LINGO2: variants seen among roughly 807,000 people sequenced by gnomAD.
The protein encoded by LINGO2 is leucine rich repeat and Ig domain containing 2.
LINGO2 carries 14 observed loss-of-function variants against 30.6 expected under a neutral mutation model. The ratio of observed to expected loss-of-function variants is 0.46; its 90% confidence interval spans 0.30 to 0.72. LINGO2 has a LOEUF of 0.72. Among genes scored for constraint, LINGO2 ranks in the 30% least tolerant of loss-of-function variants. The probability of loss-of-function intolerance (pLI) is 0.07; values close to 1 mark genes in which losing one functional copy is unlikely to be tolerated. For synonymous variants in LINGO2, 317 were observed against 288.5 expected (o/e 1.10, Z -1.00); for missense variants, 729 against 751.7 (o/e 0.97, Z 0.35).
At chr9:28,876,037 A>G in the LINGO2 span, among the ~76,000 whole-genome samples, 1 of 151,880 alleles carries the variant, frequency 6.6e-6, no homozygotes, top group African/African-American at 2.4e-5. Context: ...AGAATATTAA[A>G]CCCTTTCACT....
At chr9:29,192,803 G>C in the LINGO2 span, among the ~76,000 whole-genome samples, 1 of 152,106 alleles carries the variant, frequency 6.6e-6, no homozygotes, top group African/African-American at 2.4e-5. Context: ...CAGCAGTCAG[G>C]GCATAGTCCC....
intron 2 of LINGO2, among the ~76,000 whole-genome samples, chr9:28,471,060 C>A (rs1391686135): frequency 6.6e-6 from 1 of 151,702 alleles, no homozygotes; most frequent in Non-Finnish European, 1.5e-5. Context: ...TACTATGCTT[C>A]TTAATGCCTC....
At chr9:29,078,667 C>T in the LINGO2 span, among the ~76,000 whole-genome samples, 4 of 151,888 alleles carry the variant, frequency 2.6e-5, no homozygotes, top group Non-Finnish European at 4.4e-5. Flanking sequence ...TATATGCCAA[C>T]CAAGTGCTTG....
chr9:28,804,581 T>A, the LINGO2 span, among the ~76,000 whole-genome samples: 3 of 150,838 alleles, frequency 2.0e-5, no homozygotes, highest in Non-Finnish European at 4.4e-5. Context: ...AAAACAGATC[T>A]GGAATAGGAC....
the LINGO2 span, among the ~76,000 whole-genome samples, chr9:28,769,501 T>C: frequency 1.8e-3 from 9 of 5,046 alleles, 1 homozygote; most frequent in African/African-American, 6.1e-3. Flanking sequence ...TATATATATA[T>C]ATATATATAT....
intron 4 of LINGO2, among the ~76,000 whole-genome samples, chr9:28,045,042 C>T (rs1395138873): frequency 6.6e-6 from 1 of 151,860 alleles, no homozygotes; most frequent in Non-Finnish European, 1.5e-5. Flanking sequence ...TGTGGGGGCT[C>T]TGAGAAAGCC....
the LINGO2 span, among the ~76,000 whole-genome samples, chr9:29,210,366 T>C: frequency 1.5e-4 from 23 of 152,178 alleles, no homozygotes; most frequent in African/African-American, 5.1e-4. Context: ...TAGAGGTGTC[T>C]TTCAGAAATA....
chr9:29,147,039 T>C, the LINGO2 span, among the ~76,000 whole-genome samples: 1 of 152,170 alleles, frequency 6.6e-6, no homozygotes, highest in Non-Finnish European at 1.5e-5. Context: ...ACATTTGCTG[T>C]AGTTATCACC....
intron 4 of LINGO2, among the ~76,000 whole-genome samples, chr9:28,064,231 A>G (rs1045349566): frequency 5.3e-5 from 8 of 152,052 alleles, no homozygotes; most frequent in South Asian, 2.1e-4. Flanking sequence ...TTCAGGGTAG[A>G]TTGCCATTTT....
At chr9:28,860,166 T>C in the LINGO2 span, among the ~76,000 whole-genome samples, 4 of 152,110 alleles carry the variant, frequency 2.6e-5, no homozygotes, top group African/African-American at 7.2e-5. Flanking sequence ...AAATCAAAAA[T>C]TTATTTCATT....
intron 5 of LINGO2, among the ~76,000 whole-genome samples, chr9:27,962,497 C>T (rs979963243): frequency 3.3e-5 from 5 of 152,114 alleles, no homozygotes; most frequent in African/African-American, 9.7e-5. Context: ...TGGATAAGCA[C>T]CCCGGCAAGC....
At chr9:29,018,687 T>C in the LINGO2 span, among the ~76,000 whole-genome samples, 1 of 152,268 alleles carries the variant, frequency 6.6e-6, no homozygotes, top group African/African-American at 2.4e-5. Context: ...ATGAAGGCAG[T>C]CAGCTCCGAA....
intron 4 of LINGO2, among the ~76,000 whole-genome samples, chr9:28,276,953 G>C (rs1823136384): frequency 6.6e-6 from 1 of 152,038 alleles, no homozygotes; most frequent in African/African-American, 2.4e-5. Flanking sequence ...GCCATGTTGG[G>C]GGCAAATTCA....
At chr9:28,335,150 G>C (rs1314901821) in intron 3 of LINGO2, among the ~76,000 whole-genome samples, 1 of 152,126 alleles carries the variant, frequency 6.6e-6, no homozygotes, top group Non-Finnish European at 1.5e-5. Flanking sequence ...CTCTTCTGAG[G>C]CAGAGGATCA....
At chr9:28,658,305 T>C (rs946766849) in intron 1 of LINGO2, among the ~76,000 whole-genome samples, 2 of 152,122 alleles carry the variant, frequency 1.3e-5, no homozygotes, top group Non-Finnish European at 2.9e-5. Flanking sequence ...CTGATCTGGC[T>C]GGCTGTTCTA....
chr9:27,985,831 A>G (rs542916153), intron 5 of LINGO2, among the ~76,000 whole-genome samples: 73 of 151,984 alleles, frequency 4.8e-4, no homozygotes, highest in African/African-American at 1.7e-3. Context: ...AAGTGCAGAC[A>G]GACTCCAGTG....
At chr9:28,123,464 C>T (rs947281424) in intron 4 of LINGO2, among the ~76,000 whole-genome samples, 2 of 152,090 alleles carry the variant, frequency 1.3e-5, no homozygotes, top group African/African-American at 2.4e-5. Flanking sequence ...AGGCTGCACT[C>T]TCAGGAATGA....
chr9:28,026,077 C>G (rs187923913), intron 4 of LINGO2, among the ~76,000 whole-genome samples: 29 of 152,262 alleles, frequency 1.9e-4, no homozygotes, highest in African/African-American at 7.0e-4. Flanking sequence ...CCTTCCTTTG[C>G]TTCTCTACAA....
chr9:28,870,124 T>C, the LINGO2 span, among the ~76,000 whole-genome samples: 2 of 152,054 alleles, frequency 1.3e-5, no homozygotes, highest in Non-Finnish European at 2.9e-5. Flanking sequence ...GGCCAGTTCA[T>C]TGAAATGGTA....
Sources: allele counts gnomAD v4.1 joint callset (sites outside exome capture counted in the v4.1 genomes callset), GRCh38; gene constraint gnomAD v4.1.1; transcripts MANE v1.5; gene names NCBI Gene and HGNC (gene_info 2026-07-23, HGNC 2026-07-21).